Variants in LRCH2 observed in about 807,000 individuals in gnomAD.
LRCH2 encodes leucine rich repeats and calponin homology domain containing 2, also known as leucine-rich repeat and calponin homology domain-containing protein 2.
A neutral mutation model predicts 68.9 loss-of-function variants in LRCH2; 38 were observed. The observed-to-expected ratio is 0.55, with a 90% CI of 0.43 to 0.72. The LOEUF is 0.72. Among genes scored for constraint, LRCH2 ranks in the 30% least tolerant of loss-of-function variants. The probability of loss-of-function intolerance (pLI) is 0.00; values close to 1 mark genes in which losing one functional copy is unlikely to be tolerated. For synonymous variants in LRCH2, 191 were observed against 208.1 expected, an observed-to-expected ratio of 0.92 and a Z score of 0.71; for missense variants, 528 against 572.9, an observed-to-expected ratio of 0.92 and a Z score of 0.80.
chrX:115,165,912 G>A lies in LRCH2; in HGVS notation c.1127C>T (p.Ser376Leu). 8.6e-7 allele frequency: 1 copy of A among 1,166,734 alleles called. No individual in the cohort carries two copies. The highest frequency in any genetic ancestry group is 1.1e-6 in the Non-Finnish European group (1 of 870,474). ...DDTVSLHSQV[S>L]ESNREQTSRN... ...TGATGTCTGCTCTCTATTTGATTCT[G>A]AGACTTGAGAATGAAGGCTGACTGT... is the stretch of plus-strand genomic sequence containing the variant. The change falls in exon 8 of 21, where the codon TCA becomes TTA. Residue 376 changes from serine to leucine, a missense_variant. Coordinates refer to ENST00000317135, the MANE Select transcript of LRCH2 (RefSeq NM_020871.4).
At chrX:115,211,879 C>T (rs1292833546) in intron 1 of LRCH2, among the ~76,000 whole-genome samples, 3 of 112,251 alleles carry the variant, frequency 2.7e-5, no homozygotes, top group Non-Finnish European at 3.8e-5. Context: ...TCCCAATTTA[C>T]CAATTCAAAA....
intron 1 of LRCH2, among the ~76,000 whole-genome samples, chrX:115,194,988 A>G (rs373780284): frequency 2.2e-4 from 25 of 111,530 alleles, no homozygotes; most frequent in African/African-American, 7.5e-4. Flanking sequence ...ATGGATATAT[A>G]AAATTGAAAG....
At chrX:115,224,576 C>T (rs1159761501) in intron 1 of LRCH2, among the ~76,000 whole-genome samples, 3 of 107,339 alleles carry the variant, frequency 2.8e-5, no homozygotes, top group African/African-American at 3.4e-5. Flanking sequence ...CCCAGCTACT[C>T]GGGAGGCTGA....
chrX:115,129,959 C>T (rs1475813500), intron 15 of LRCH2, among the ~76,000 whole-genome samples, 196 bp downstream of exon 15: 1 of 110,266 alleles, frequency 9.1e-6, no homozygotes, highest in Non-Finnish European at 1.9e-5. Context: ...TAATTCCATT[C>T]TAAAGGACAT....
At chrX:115,224,935 T>C (rs991651040) in intron 1 of LRCH2, among the ~76,000 whole-genome samples, 3 of 111,674 alleles carry the variant, frequency 2.7e-5, no homozygotes, top group African/African-American at 9.8e-5. Flanking sequence ...AGAAATATGA[T>C]TGGCCAAAAA....
chrX:115,165,067 T>C (rs1364744845), intron 10 of LRCH2, among the ~76,000 whole-genome samples: 1 of 110,756 alleles, frequency 9.0e-6, no homozygotes, highest in Non-Finnish European at 1.9e-5. Context: ...AGTGTCTTAA[T>C]TGGTAAAGTG....
At chrX:115,166,199 T>C in intron 7 of LRCH2, 56 bp downstream of exon 7, 1 of 901,072 alleles carries the variant, frequency 1.1e-6, no homozygotes, top group East Asian at 3.2e-5. Flanking sequence ...GGGTCTCTAT[T>C]TCAATGCTCT....
intron 1 of LRCH2, among the ~76,000 whole-genome samples, chrX:115,207,589 G>A (rs1055496343): frequency 3.6e-5 from 4 of 111,563 alleles, no homozygotes; most frequent in Middle Eastern, 4.6e-3. Flanking sequence ...TTATTCCTCC[G>A]TGGGAGATTC....
chrX:115,126,781 T>A (rs2072203682), intron 16 of LRCH2, 62 bp downstream of exon 16: 2 of 871,887 alleles, frequency 2.3e-6, no homozygotes, highest in Non-Finnish European at 3.1e-6. Context: ...GGAAGACTCT[T>A]ATGTAAAACA....
At chrX:115,212,405 C>T (rs1556570208) in intron 1 of LRCH2, among the ~76,000 whole-genome samples, 2 of 112,366 alleles carry the variant, frequency 1.8e-5, no homozygotes, top group Non-Finnish European at 1.9e-5. Flanking sequence ...TTTTATTCAA[C>T]ATTAAGCATG....
intron 1 of LRCH2, among the ~76,000 whole-genome samples, chrX:115,199,519 A>C (rs189590487): frequency 7.1e-5 from 8 of 112,390 alleles, no homozygotes; most frequent in African/African-American, 1.9e-4. Context: ...GCATCAATTA[A>C]ATCAGATATT....
chrX:115,213,706 C>T (rs1163098242), intron 1 of LRCH2, among the ~76,000 whole-genome samples: 1 of 111,866 alleles, frequency 8.9e-6, no homozygotes, highest in African/African-American at 3.2e-5. Flanking sequence ...ACCAATACAG[C>T]ATCATCCTTG....
chrX:115,186,726 C>T (rs1267553335), intron 2 of LRCH2, among the ~76,000 whole-genome samples: 1 of 110,795 alleles, frequency 9.0e-6, no homozygotes, highest in East Asian at 2.8e-4. Flanking sequence ...TCAAACCTCT[C>T]CTAAGCCAGG....
chrX:115,208,514 CTT>C (rs1556568971), intron 1 of LRCH2, among the ~76,000 whole-genome samples: 1 of 111,231 alleles, frequency 9.0e-6, no homozygotes, highest in African/African-American at 3.3e-5. Flanking sequence ...CTGTATCACT[CTT>C]GAGCTTCAGA....
At chrX:115,121,136 C>T (rs1556525855) in intron 20 of LRCH2, among the ~76,000 whole-genome samples, 1 of 108,233 alleles carries the variant, frequency 9.2e-6, no homozygotes, top group African/African-American at 3.4e-5. Context: ...CTAACCTGCA[C>T]ATTGTGCACA....
chrX:115,130,327 T>C (rs945693083), intron 14 of LRCH2, 128 bp from the exon 15 acceptor site: 11 of 366,023 alleles, frequency 3.0e-5, no homozygotes, highest in Non-Finnish European at 3.8e-5. Context: ...AATTTAAGTA[T>C]ATAACAGGTG....
At position 115,149,814 on chromosome X, in the gene LRCH2, TA is replaced by T. The variant is rs1556537713; in HGVS notation, c.1695+12del. 9.5e-7 allele frequency: 1 copy of T among 1,054,572 alleles called. No homozygotes were observed. The highest frequency in any genetic ancestry group is 1.3e-6 in the Non-Finnish European group (1 of 775,244). 86.9% of individuals were successfully genotyped at this position (1,054,572 alleles called of 1,213,427 possible). On this transcript the variant is annotated intron_variant, in intron 14 of 20. Coordinates refer to ENST00000317135, the MANE Select transcript of LRCH2 (RefSeq NM_020871.4). ...TAATTACAAAGTAAATTTAAAAACT[TA>T]ATATAGAGTACCTTGAAATATTCTT...
chrX:115,172,381 G>A (rs1439855129), intron 5 of LRCH2, among the ~76,000 whole-genome samples: 1 of 112,179 alleles, frequency 8.9e-6, no homozygotes, highest in Non-Finnish European at 1.9e-5. Flanking sequence ...GATAATGACA[G>A]TACTTGTTTT....
chrX:115,115,236 C>G (rs1025382347), intron 20 of LRCH2, among the ~76,000 whole-genome samples: 3 of 110,297 alleles, frequency 2.7e-5, no homozygotes, highest in Non-Finnish European at 5.7e-5. Context: ...ATGCAAGGGA[C>G]TCAGTATAGC....
Sources: allele counts gnomAD v4.1 joint callset (sites outside exome capture counted in the v4.1 genomes callset), GRCh38; gene constraint gnomAD v4.1.1; transcripts MANE v1.5; gene names NCBI Gene and HGNC (gene_info 2026-07-23, HGNC 2026-07-21).